Variants in INTS3 observed in about 807,000 individuals in gnomAD.
INTS3 encodes SOSS complex subunit A.
Under a neutral mutation model 146.3 loss-of-function variants are expected in INTS3, and 34 were observed. The ratio of observed to expected loss-of-function variants is 0.23; its 90% CI spans 0.18 to 0.31. The LOEUF is 0.31. INTS3 is among the 10% of genes least tolerant of loss of function. The probability of loss-of-function intolerance (pLI) is 1.00; values close to 1 mark genes in which losing one functional copy is unlikely to be tolerated. For missense variants in INTS3, 757 were observed against 1,304.2 expected (o/e 0.58, Z 6.46); for synonymous variants, 475 against 494.9 (o/e 0.96, Z 0.53).
In INTS3 at chr1:153,746,349, G is replaced by C. The variant is rs565228681; in HGVS notation, c.319-608G>C. ...ATGACACTTCCTAAGATGGGAAGTG[G>C]GGGGGACAGGGATAGTACTAGGAGC... is the stretch of plus-strand genomic sequence containing the variant. On this transcript the variant is annotated intron_variant, in intron 3 of 29. Transcript: ENST00000318967. 9.2e-5 allele frequency among the ~76,000 whole-genome samples: 14 copies of C among 152,222 alleles called. No homozygotes were observed. The South Asian group carries it at 2.5e-3, about 27-fold the overall frequency.
chr1:153,746,731 A>G (rs544702017), intron 3 of INTS3: 1 of 498,660 alleles, frequency 2.0e-6, no homozygotes, highest in African/African-American at 1.9e-5. Context: ...TCATTAAAGG[A>G]TAACCAGTAC....
intron 7 of INTS3, 79 bp downstream of exon 7, chr1:153,751,318 A>G: frequency 3.6e-6 from 5 of 1,393,334 alleles, no homozygotes; most frequent in Non-Finnish European, 5.0e-6. Context: ...CAGTGGAGTC[A>G]GAAATACCTT....
chr1:153,763,965 C>G, intron 17 of INTS3, 79 bp downstream of exon 17: 1 of 1,419,546 alleles, frequency 7.0e-7, no homozygotes, highest in East Asian at 2.3e-5. Context: ...AGACAACTCA[C>G]TTTTTCCCTC....
chr1:153,733,875 C>G lies in INTS3; in HGVS notation c.150+5091C>G, dbSNP rs570681079. On this transcript the variant is annotated intron_variant, in intron 1 of 29. Coordinates refer to ENST00000318967, the MANE Select transcript of INTS3 (RefSeq NM_023015.5). ...CCCTCAGCCTCCCAGAGTGTTGGGA[C>G]TACAGGCGTGAGCCACCACACCCAG... 2.6e-5 allele frequency among the ~76,000 whole-genome samples: 4 copies of G among 151,060 alleles called. No homozygotes were observed. The East Asian group carries it at 7.9e-4, about 30-fold the overall frequency.
At chr1:153,765,798 G>A (rs187462253) in intron 20 of INTS3, among the ~76,000 whole-genome samples, 2 of 152,202 alleles carry the variant, frequency 1.3e-5, no homozygotes, top group Non-Finnish European at 2.9e-5. Context: ...TCGAACTCCC[G>A]ACCTCAGGTG....
rs148235697 is a variant in INTS3, at chr1:153,744,726, A to T, written c.319-2231A>T. On this transcript the variant is annotated intron_variant, in intron 3 of 29. Coordinates refer to ENST00000318967, the MANE Select transcript of INTS3 (RefSeq NM_023015.5). ...GTACTGAGGGGTACATTTCTTTTGA[A>T]TGCATAGGATGAAAGAGTTTAGAAA... Among the ~76,000 whole-genome samples, 4 of 152,358 alleles carry T rather than the reference A, an allele frequency of 2.6e-5. No homozygotes were observed. The East Asian group carries it at 5.8e-4, about 22-fold the overall frequency.
rs1349081192 is a variant in INTS3 at position 153,763,335 on chromosome 1, A to T, written c.1739A>T (p.Asp580Val). The T allele has an allele frequency of 2.5e-6, 4 of 1,614,196 alleles. No individual in the cohort carries two copies. Among genetic ancestry groups the T allele is most frequent in the Non-Finnish European group, 3.4e-6 (4 of 1,180,030 alleles). The part of the protein sequence containing the change: ...YLDQLDESLR[D>V]KVLQLQKGSD... ...GACCAGTTGGATGAGTCCCTGAGGG[A>T]CAAAGTACTCCAGCTACAGAAGGGG... Residue 580 changes from aspartate (D) to valine (V), a missense_variant, in exon 16 of 30, where the codon GAC (aspartate) becomes GTC (valine). By Grantham distance (152) the Asp-to-Val change is radical. Coordinates refer to ENST00000318967, the MANE Select transcript of INTS3 (RefSeq NM_023015.5).
intron 3 of INTS3, among the ~76,000 whole-genome samples, chr1:153,744,538 C>T (rs996806715): frequency 6.6e-6 from 1 of 152,182 alleles, no homozygotes; most frequent in Non-Finnish European, 1.5e-5. Flanking sequence ...CAACCATCCC[C>T]CAGAGGGAGT....
chr1:153,768,751 G>T, intron 21 of INTS3, 142 bp from the exon 22 acceptor site: 1 of 643,084 alleles, frequency 1.6e-6, no homozygotes, highest in South Asian at 1.8e-5. Flanking sequence ...ATAGCTGTTG[G>T]ATCTCTGTTT....
At chr1:153,760,696 G>T in intron 12 of INTS3, 131 bp from the exon 13 acceptor site, 1 of 772,194 alleles carries the variant, frequency 1.3e-6, no homozygotes, top group East Asian at 2.5e-5. Context: ...TGGTCAGGAA[G>T]TCCAGTTCTC....
At chr1:153,744,251 A>C (rs1429325360) in intron 3 of INTS3, among the ~76,000 whole-genome samples, 2 of 152,208 alleles carry the variant, frequency 1.3e-5, no homozygotes, top group South Asian at 2.1e-4. Context: ...TGCTGTCTTC[A>C]TCTGACCCTG....
intron 3 of INTS3, among the ~76,000 whole-genome samples, chr1:153,745,418 A>G (rs1278364392): frequency 6.6e-6 from 1 of 151,586 alleles, no homozygotes; most frequent in Non-Finnish European, 1.5e-5. Flanking sequence ...CGGCCTCCCA[A>G]ATAGTGCTGG....
intron 8 of INTS3, among the ~76,000 whole-genome samples, chr1:153,754,238 A>T (rs1453134295): frequency 1.3e-5 from 2 of 152,172 alleles, no homozygotes; most frequent in Non-Finnish European, 2.9e-5. Flanking sequence ...CTGGATCCAC[A>T]TGTTTCTGAC....
At chr1:153,764,780 C>CA in intron 19 of INTS3, 46 bp downstream of exon 19, 2 of 1,545,002 alleles carry the variant, frequency 1.3e-6, no homozygotes, top group Non-Finnish European at 1.8e-6. Context: ...TCCATCCTCC[C>CA]TGACAGCACA....
At chr1:153,745,972 G>T (rs1030596495) in intron 3 of INTS3, among the ~76,000 whole-genome samples, 1 of 152,146 alleles carries the variant, frequency 6.6e-6, no homozygotes, top group Non-Finnish European at 1.5e-5. Flanking sequence ...GGGCGTGGTG[G>T]TGCATGCCTG....
chr1:153,750,073 G>A (rs1312517698), intron 6 of INTS3, among the ~76,000 whole-genome samples: 3 of 152,188 alleles, frequency 2.0e-5, no homozygotes, highest in Admixed American at 6.5e-5. Context: ...GGGAGGAAAC[G>A]TTCCCCAGTA....
At position 153,757,009 on chromosome 1, in the gene INTS3, GA is replaced by G. The variant is rs1672186933; in HGVS notation, c.958-560del. ...ACAGTTGGGGGAATATAAGAAGAGG[GA>G]AACCAGATCCTTTTCCTTATTTAGT... On this transcript the variant is annotated intron_variant, in intron 9 of 29. Coordinates refer to ENST00000318967, the MANE Select transcript of INTS3 (RefSeq NM_023015.5). The surrounding 1 kb of genome is among the most constrained non-coding windows in gnomAD (Gnocchi z 4.0). Among the ~76,000 whole-genome samples, 2 of 152,122 alleles carry G rather than the reference GA, an allele frequency of 1.3e-5. No homozygotes were observed. Among genetic ancestry groups the G allele is most frequent in the African/African-American group, 4.8e-5 (2 of 41,412 alleles).
intron 7 of INTS3, among the ~76,000 whole-genome samples, chr1:153,751,489 G>A (rs1671955296): frequency 6.6e-6 from 1 of 152,166 alleles, no homozygotes; most frequent in South Asian, 2.1e-4. Flanking sequence ...CAAGGATACT[G>A]TTGTATACCA....
At chr1:153,756,677 A>T (rs1048766062) in intron 9 of INTS3, among the ~76,000 whole-genome samples, 5 of 151,090 alleles carry the variant, frequency 3.3e-5, no homozygotes, top group Non-Finnish European at 7.4e-5. Context: ...TCAGCCAGGC[A>T]TGGTGGCATG....
Sources: gnomAD v4.1 joint callset for allele counts (sites outside exome capture counted in the v4.1 genomes callset) on GRCh38, gnomAD v4.1.1 for gene constraint, Gnocchi (gnomAD v3.1) non-coding constraint, MANE v1.5 for transcripts, NCBI Gene and HGNC (gene_info 2026-07-23, HGNC 2026-07-21) for gene names.